The following ECT2L variants were observed in gnomAD, a reference collection of about 807,000 sequenced individuals.
ECT2L encodes epithelial cell-transforming sequence 2 oncogene-like.
Under a neutral mutation model 122.8 loss-of-function variants are expected in ECT2L, and 126 were observed. The ratio of observed to expected loss-of-function variants is 1.03; its 90% CI spans 0.89 to 1.19. The LOEUF (loss-of-function observed/expected upper bound fraction) is 1.19. Ranked by LOEUF, ECT2L falls within the 50% of genes most tolerant of loss-of-function variation. The pLI, the probability that ECT2L is intolerant of heterozygous loss-of-function variation, is 0.00. For missense variants in ECT2L, 1,012 were observed against 1,064.1 expected, an observed-to-expected ratio of 0.95 and a Z score of 0.68; for synonymous variants, 385 against 381.8, an observed-to-expected ratio of 1.01 and a Z score of -0.10.
chr6:138,855,537 A>T (rs1322538005), intron 10 of ECT2L, among the ~76,000 whole-genome samples: 3 of 152,194 alleles, frequency 2.0e-5, no homozygotes, highest in Non-Finnish European at 4.4e-5. Flanking sequence ...GCATAGAAAA[A>T]TCTAAAAGGA....
intron 4 of ECT2L, among the ~76,000 whole-genome samples, chr6:138,835,962 C>T (rs1277565175): frequency 7.2e-5 from 11 of 152,130 alleles, no homozygotes; most frequent in Non-Finnish European, 1.3e-4. Flanking sequence ...AGAGCACAGG[C>T]CTGCTGCTTT....
intron 4 of ECT2L, among the ~76,000 whole-genome samples, chr6:138,836,144 T>C (rs563348681): frequency 2.6e-5 from 4 of 152,160 alleles, no homozygotes; most frequent in Non-Finnish European, 5.9e-5. Context: ...TTGGTTAAGA[T>C]AGCTAATTAA....
At chr6:138,900,327 A>G (rs758047792) in intron 20 of ECT2L, among the ~76,000 whole-genome samples, 4 of 151,796 alleles carry the variant, frequency 2.6e-5, no homozygotes, top group Non-Finnish European at 5.9e-5. Flanking sequence ...ACTCATTCCA[A>G]TCTCTGACTC....
chr6:138,857,108 C>T (rs892882243), intron 10 of ECT2L, among the ~76,000 whole-genome samples: 1 of 152,162 alleles, frequency 6.6e-6, no homozygotes, highest in Non-Finnish European at 1.5e-5. Context: ...GAATCTAGCC[C>T]GTTGCCTTTC....
At chr6:138,818,539 G>A (rs1049281859) in intron 4 of ECT2L, among the ~76,000 whole-genome samples, 1 of 152,186 alleles carries the variant, frequency 6.6e-6, no homozygotes, top group Non-Finnish European at 1.5e-5. Flanking sequence ...GAGTATTTCT[G>A]TGTGGAGATG....
At chr6:138,796,607 TG>T (rs1775353002) in intron 1 of ECT2L, among the ~76,000 whole-genome samples, 1 of 148,344 alleles carries the variant, frequency 6.7e-6, no homozygotes, top group African/African-American at 2.5e-5. Context: ...GGGTGGGGGC[TG>T]GGTTGGGGGA....
rs1345770217 is a variant in ECT2L, at chr6:138,885,527, T to G, written c.2050T>G (p.Phe684Val). The G allele has an allele frequency of 6.2e-7, 1 of 1,614,194 alleles. No individual in the cohort carries two copies. Among genetic ancestry groups the G allele is most frequent in the East Asian group, 2.2e-5 (1 of 44,886 alleles). Residue 684 changes from phenylalanine to valine, a missense_variant, in exon 17 of 22, where the codon TTC becomes GTC. Physicochemically the swap from Phe to Val is conservative, Grantham distance 50. Coordinates refer to ENST00000541398, the MANE Select transcript of ECT2L (RefSeq NM_001077706.3). ...IEKCREMIPA[F>V]RTFLKRHDKT... ...TTAGTGCAGAGAAATGATACCAGCA[T>G]TCCGAACTTTCCTGAAGAGGCATGA...
chr6:138,888,778 C>T (rs1276785803), intron 19 of ECT2L, among the ~76,000 whole-genome samples, 165 bp from the exon 20 acceptor site: 2 of 152,032 alleles, frequency 1.3e-5, no homozygotes, highest in African/African-American at 4.8e-5. Context: ...ATACTGTGGT[C>T]TTTCTAAGAA....
intron 1 of ECT2L, among the ~76,000 whole-genome samples, chr6:138,808,159 G>T (rs1775774005): frequency 6.6e-6 from 1 of 152,014 alleles, no homozygotes; most frequent in African/African-American, 2.4e-5. Context: ...TCTTCTTTAG[G>T]TCTTTAAAAT....
intron 10 of ECT2L, among the ~76,000 whole-genome samples, chr6:138,860,188 T>C (rs1777773466): frequency 6.6e-6 from 1 of 152,186 alleles, no homozygotes; most frequent in Non-Finnish European, 1.5e-5. Context: ...AGATCATCTT[T>C]GGCATCATAT....
chr6:138,865,876 C>T (rs1188437296), intron 12 of ECT2L, among the ~76,000 whole-genome samples: 1 of 152,214 alleles, frequency 6.6e-6, no homozygotes, highest in Non-Finnish European at 1.5e-5. Flanking sequence ...TGAATCAAAT[C>T]ACCCTCTATC....
chr6:138,801,452 C>CA (rs1294884318), intron 1 of ECT2L, among the ~76,000 whole-genome samples: 4 of 152,106 alleles, frequency 2.6e-5, no homozygotes, highest in African/African-American at 7.2e-5. Context: ...TTGTTGTAGC[C>CA]AAAAAATCAA....
At chr6:138,824,559 AAAAAAAAACAAAAAACAAAAAC>A (rs1776370163) in intron 4 of ECT2L, among the ~76,000 whole-genome samples, 1 of 10,888 alleles carries the variant, frequency 9.2e-5, no homozygotes, top group Admixed American at 1.1e-3. Context: ...AAAAAACTAT[AAAAAAAAACAAAAAACAAAAAC>A]AAAAAAAACA....
intron 10 of ECT2L, among the ~76,000 whole-genome samples, chr6:138,862,357 G>A (rs567877502): frequency 4.6e-5 from 7 of 152,210 alleles, no homozygotes; most frequent in African/African-American, 1.2e-4. Context: ...CACATGGCAA[G>A]AGCAGGAACA....
chr6:138,891,782 C>A (rs1779036924), intron 20 of ECT2L, among the ~76,000 whole-genome samples: 1 of 145,822 alleles, frequency 6.9e-6, no homozygotes, highest in Admixed American at 7.1e-5. Context: ...AGGCCCTGGT[C>A]ACCCATATTT....
In ECT2L at chr6:138,847,354, A is replaced by ATTTTTTTTTTTTT. The variant is rs1562471985; in HGVS notation, c.903+677_903+678insTTTTTTTTTTTTT. ...TTTTGAAAAAGCATTAAAGGCCCAA[A>ATTTTTTTTTTTTT]CTTTTTTTTTTTTTTTTTTTTTTTT... On this transcript the variant is annotated intron_variant, in intron 8 of 21. Coordinates refer to ENST00000541398, the MANE Select transcript of ECT2L (RefSeq NM_001077706.3). 2.2e-4 allele frequency among the ~76,000 whole-genome samples: 24 copies of ATTTTTTTTTTTTT among 111,054 alleles called. 3 individuals are homozygous for ATTTTTTTTTTTTT. The highest frequency in any genetic ancestry group is 8.4e-4 in the African/African-American group (21 of 24,936). The allele number at this position is 111,054 out of a possible 152,430, so 72.9% of individuals were successfully genotyped here.
At chr6:138,836,331 C>T (rs995456051) in intron 4 of ECT2L, among the ~76,000 whole-genome samples, 2 of 148,574 alleles carry the variant, frequency 1.3e-5, no homozygotes, top group Non-Finnish European at 3.0e-5. Flanking sequence ...GCTCGTCACC[C>T]AGGCTGGAGT....
intron 1 of ECT2L, among the ~76,000 whole-genome samples, chr6:138,800,118 C>G (rs1317328710): frequency 1.3e-5 from 2 of 152,130 alleles, no homozygotes; most frequent in Non-Finnish European, 2.9e-5. Flanking sequence ...TCCTTTCTTG[C>G]AACAGACTTT....
intron 12 of ECT2L, among the ~76,000 whole-genome samples, chr6:138,867,222 A>G (rs745898612): frequency 6.6e-6 from 1 of 152,216 alleles, no homozygotes; most frequent in Non-Finnish European, 1.5e-5. Flanking sequence ...CTTATTGTCC[A>G]ATTTATACAT....
Sources: allele counts gnomAD v4.1 joint callset (sites outside exome capture counted in the v4.1 genomes callset), GRCh38; gene constraint gnomAD v4.1.1; transcripts MANE v1.5; gene names NCBI Gene and HGNC (gene_info 2026-07-23, HGNC 2026-07-21).